Variants in RAPGEF4 observed in about 807,000 individuals in gnomAD.
RAPGEF4 encodes RAP guanine-nucleotide-exchange factor (GEF) 4.
Under a neutral mutation model 147.9 loss-of-function variants are expected in RAPGEF4, and 66 were observed. The ratio of observed to expected loss-of-function variants is 0.45; its 90% CI spans 0.37 to 0.55. The LOEUF is 0.55. Among genes scored for constraint, RAPGEF4 ranks in the 20% least tolerant of loss-of-function variants. The pLI, the probability that RAPGEF4 is intolerant of heterozygous loss-of-function variation, is 0.00. For synonymous variants in RAPGEF4, 419 were observed against 442.7 expected (o/e 0.95, Z 0.67); for missense variants, 1,071 against 1,257.3 (o/e 0.85, Z 2.24).
At chr2:173,050,279 G>T (rs4972527) in intron 30 of RAPGEF4, among the ~76,000 whole-genome samples, 4 of 152,100 alleles carry the variant, frequency 2.6e-5, no homozygotes, top group African/African-American at 9.7e-5. Context: ...TATATTGTAC[G>T]TGTAGAGTAC....
intron 4 of RAPGEF4, 153 bp downstream of exon 4, chr2:172,814,578 A>G (rs1688324957): frequency 1.1e-6 from 1 of 897,714 alleles, no homozygotes; most frequent in Non-Finnish European, 1.7e-6. Flanking sequence ...GAAATGAGTG[A>G]GTGAAAAAGC....
chr2:172,990,852 G>C lies in RAPGEF4; in HGVS notation c.1417G>C (p.Asp473His). The C allele has an allele frequency of 6.2e-7, 1 of 1,614,082 alleles. No homozygotes were observed. Among genetic ancestry groups the C allele is most frequent in the South Asian group, 1.1e-5 (1 of 91,048 alleles). ...NTVRLKEHDQ[D>H]VLVLEKVPAG... ...AGTCAGACTTAAAGAACATGACCAA[G>C]ATGTCTTGGTGCTGGAGAAGGTCCC... Residue 473 changes from aspartate to histidine, a missense_variant, in exon 15 of 31, where the codon GAT becomes CAT. Asp to His is a moderately conservative substitution (Grantham distance 81). Coordinates refer to ENST00000397081, the MANE Select transcript of RAPGEF4 (RefSeq NM_007023.4).
At chr2:173,037,124 T>G (rs1371875638) in intron 29 of RAPGEF4, among the ~76,000 whole-genome samples, 1 of 152,258 alleles carries the variant, frequency 6.6e-6, no homozygotes, top group African/African-American at 2.4e-5. Flanking sequence ...AATCTAAATG[T>G]GTACTGCTTA....
chr2:172,817,962 A>T lies in RAPGEF4; in HGVS notation c.444+3537A>T, dbSNP rs564388721. Among the ~76,000 whole-genome samples the T allele has an allele frequency of 3.6e-4, 52 of 144,252 alleles. 1 individual carries two copies. The East Asian group carries it at 8.4e-3, about 23-fold the overall frequency. 94.6% of individuals were successfully genotyped at this position (144,252 alleles called of 152,430 possible). On this transcript the variant is annotated intron_variant, in intron 4 of 30. Transcript: ENST00000397081. Reference sequence around the variant, plus strand: ...ATATATAATGTATATTATATGAATTATATATATATATATACACACACACCA... The same window carrying T: ...ATATATAATGTATATTATATGAATTTTATATATATATATACACACACACCA...
chr2:172,937,684 C>T (rs1242200739), intron 6 of RAPGEF4, among the ~76,000 whole-genome samples: 1 of 152,178 alleles, frequency 6.6e-6, no homozygotes, highest in Non-Finnish European at 1.5e-5. Flanking sequence ...ACACAGCCCA[C>T]ACTTAAGGAG....
intron 6 of RAPGEF4, among the ~76,000 whole-genome samples, chr2:172,945,570 G>A (rs976222927): frequency 1.3e-5 from 2 of 151,842 alleles, no homozygotes; most frequent in Admixed American, 6.6e-5. Context: ...CACATGCAGA[G>A]GACTATACAA....
intron 4 of RAPGEF4, among the ~76,000 whole-genome samples, chr2:172,875,924 G>A (rs756760519): frequency 1.3e-5 from 2 of 152,114 alleles, no homozygotes; most frequent in African/African-American, 2.4e-5. Context: ...TTTTCCTTGA[G>A]CAGTGGTTTG....
chr2:172,888,064 G>C (rs542144376), intron 4 of RAPGEF4, among the ~76,000 whole-genome samples: 2 of 152,002 alleles, frequency 1.3e-5, no homozygotes, highest in African/African-American at 4.8e-5. Context: ...TGCATCTTCC[G>C]TGCATCCGTC....
At chr2:172,851,944 C>G (rs141070312) in intron 4 of RAPGEF4, among the ~76,000 whole-genome samples, 370 of 152,208 alleles carry the variant, frequency 2.4e-3, no homozygotes, top group African/African-American at 8.0e-3. Flanking sequence ...ACATGTACCC[C>G]TGAAACTAAA....
At chr2:172,994,353 G>A (rs1020253107) in intron 15 of RAPGEF4, among the ~76,000 whole-genome samples, 5 of 152,156 alleles carry the variant, frequency 3.3e-5, no homozygotes, top group East Asian at 1.9e-4. Context: ...CATGTGGAGC[G>A]TCTTGCTGTA....
chr2:172,894,615 G>T (rs1339513955), intron 4 of RAPGEF4, among the ~76,000 whole-genome samples: 2 of 152,198 alleles, frequency 1.3e-5, no homozygotes, highest in Non-Finnish European at 2.9e-5. Context: ...AGTAGGAAAA[G>T]AATGGAACAT....
chr2:172,942,390 A>T (rs555128937), intron 6 of RAPGEF4, among the ~76,000 whole-genome samples: 3 of 151,794 alleles, frequency 2.0e-5, no homozygotes, highest in African/African-American at 7.2e-5. Context: ...CCATGTTCAT[A>T]TTTTGCTAAA....
intron 3 of RAPGEF4, among the ~76,000 whole-genome samples, chr2:172,813,432 A>G (rs1574920974): frequency 6.6e-6 from 1 of 152,250 alleles, no homozygotes; most frequent in Non-Finnish European, 1.5e-5. Flanking sequence ...TCATCGATTC[A>G]TGACATTTTA....
At chr2:173,027,588 C>CGAA (rs1696784699) in intron 25 of RAPGEF4, among the ~76,000 whole-genome samples, 1 of 152,154 alleles carries the variant, frequency 6.6e-6, no homozygotes, top group Non-Finnish European at 1.5e-5. Flanking sequence ...TTCGAAAGTT[C>CGAA]AGTTGAAAAG....
chr2:172,821,550 GGC>G (rs1689060082), intron 4 of RAPGEF4: 1 of 982,474 alleles, frequency 1.0e-6, no homozygotes, highest in African/African-American at 1.7e-5. Context: ...ACATCCTGTT[GGC>G]TGGTTCTCTT....
In RAPGEF4 at chr2:173,014,498, G is replaced by A. The variant is rs1695323595; in HGVS notation, c.1693G>A (p.Glu565Lys). The A allele has an allele frequency of 6.2e-7, 1 of 1,614,094 alleles. No homozygotes were observed. Among genetic ancestry groups the A allele is most frequent in the Non-Finnish European group, 8.5e-7 (1 of 1,179,972 alleles). The change falls in exon 18 of 31, where the codon GAG becomes AAG. Residue 565 changes from glutamate (E) to lysine (K), a missense_variant. Coordinates refer to ENST00000397081, the MANE Select transcript of RAPGEF4 (RefSeq NM_007023.4). ...ACAGCCTTCACAAGGTACAGAACAG[G>A]AGAAAATGGATTATGCCCTCAACAA... ...HAQPSQGTEQEKMDYALNNKR... is the reference protein window; with the variant it reads ...HAQPSQGTEQKKMDYALNNKR...
At chr2:172,894,993 A>G (rs1313571244) in intron 4 of RAPGEF4, among the ~76,000 whole-genome samples, 2 of 151,918 alleles carry the variant, frequency 1.3e-5, no homozygotes, top group African/African-American at 2.4e-5. Context: ...AAGAATGCCA[A>G]GCAGAAGAAC....
In RAPGEF4 at chr2:172,961,875, T is replaced by G. The variant is rs527913190; in HGVS notation, c.698+647T>G. Among the ~76,000 whole-genome samples the G allele has an allele frequency of 1.2e-4, 18 of 152,340 alleles. No homozygotes were observed. The South Asian group carries it at 2.9e-3, about 25-fold the overall frequency. The stretch of plus-strand genomic sequence containing the variant: ...CAGTGAACAAAATATGCAAAGTCCT[T>G]TACAGAGCTTGTTTTCTAATGTAGG... On this transcript the variant is annotated intron_variant, in intron 8 of 30. Transcript: ENST00000397081.
rs1695993904 is a variant in RAPGEF4, at chr2:173,020,626, G to A, written c.2164G>A (p.Val722Met). 6.2e-7 allele frequency: 1 copy of A among 1,612,924 alleles called. No individual in the cohort carries two copies. Among genetic ancestry groups the A allele is most frequent in the Non-Finnish European group, 8.5e-7 (1 of 1,179,392 alleles). Residue 722 changes from valine (V) to methionine (M), a missense_variant, in exon 23 of 31, where the codon GTG becomes ATG. Physicochemically the swap from Val to Met is conservative, Grantham distance 21. Coordinates refer to ENST00000397081, the MANE Select transcript of RAPGEF4 (RefSeq NM_007023.4). ...GCTTTTTATGTTCACAGAAAAGGTG[G>A]TGCTCAAACCTAATGATGTTTCAGT... ...VKMSSGGEKV[V>M]LKPNDVSVFT... is the part of the protein sequence containing the mutation.
Sources: gnomAD v4.1 joint callset for allele counts (sites outside exome capture counted in the v4.1 genomes callset) on GRCh38, gnomAD v4.1.1 for gene constraint, MANE v1.5 for transcripts, NCBI Gene and HGNC (gene_info 2026-07-23, HGNC 2026-07-21) for gene names.